DST: variants seen among roughly 807,000 people sequenced by gnomAD.
DST encodes dystonin.
A neutral mutation model predicts 875.2 loss-of-function variants in DST; 253 were observed. The observed-to-expected ratio is 0.29, with a 90% CI of 0.26 to 0.32. DST has a LOEUF of 0.32. Among genes scored for constraint, DST ranks in the 10% least tolerant of loss-of-function variants. The pLI is 1.00. For synonymous variants in DST, 3,124 were observed against 3,197.1 expected (o/e 0.98, Z 0.77); for missense variants, 8,287 against 9,111.6 (o/e 0.91, Z 3.68).
At position 56,553,168 on chromosome 6, in the gene DST, T is replaced by C. The variant is rs2152555913; in HGVS notation, c.15624A>G (p.Leu5208=). 6.2e-7 allele frequency: 1 copy of C among 1,614,018 alleles called. No individual in the cohort carries two copies. Among genetic ancestry groups the C allele is most frequent in the Non-Finnish European group, 8.5e-7 (1 of 1,179,910 alleles). Residue 5208 remains leucine (L), a synonymous_variant, in exon 61 of 104, where the codon TTA becomes TTG. Coordinates refer to ENST00000680361, the MANE Select transcript of DST (RefSeq NM_001374736.1). ...PAEGENSIAK[L]KSLQKEMDQH... is the part of the protein sequence containing the mutation. ...GGTCCATTTCCTTCTGCAGAGACTT[T>C]AACTTGGCAATAGAATTCTCTCCTT...
chr6:56,924,602 T>C (rs1469099476), intron 2 of DST, among the ~76,000 whole-genome samples: 2 of 152,130 alleles, frequency 1.3e-5, no homozygotes, highest in Non-Finnish European at 2.9e-5. Flanking sequence ...TTGGTCATCT[T>C]CGATTTCTAC....
chr6:56,911,864 T>A (rs1358233811), intron 2 of DST, among the ~76,000 whole-genome samples: 24 of 152,180 alleles, frequency 1.6e-4, no homozygotes. Flanking sequence ...AGAAAAAAAC[T>A]ACATTTTCTT....
At chr6:56,669,685 TCAAGAGCCAGATTGCCTAGGTTTGAGTTC>T (rs1163340801) in intron 10 of DST, among the ~76,000 whole-genome samples, 2 of 151,968 alleles carry the variant, frequency 1.3e-5, no homozygotes, top group African/African-American at 4.8e-5. Flanking sequence ...GAACATGAAC[TCAAGAGCCAGATTGCCTAGGTTTGAGTTC>T]CAAGTCTGCC....
At position 56,466,060 on chromosome 6, in the gene DST, T is replaced by C. The variant is rs1014589062; in HGVS notation, c.22687+18A>G. On this transcript the variant is annotated intron_variant, in intron 99 of 103. Coordinates refer to ENST00000680361, the MANE Select transcript of DST (RefSeq NM_001374736.1). ...TTGAAATACTTTCATGATGTTATCA[T>C]GATAAGCATCTCCTTACCCCTGCAA... 7 of 1,561,986 alleles carry C rather than the reference T, an allele frequency of 4.5e-6. No individual in the cohort carries two copies. The highest frequency in any genetic ancestry group is 1.1e-5 in the South Asian group (1 of 87,962).
In DST at chr6:56,619,820, A is replaced by C. The variant is rs777561792; in HGVS notation, c.4929+4710T>G. ...TGTTTCATCTAGTTTATCTTTTAGC[A>C]AACGAGCCTTTTCCTCAGATGACGT... On this transcript the variant is annotated intron_variant, in intron 36 of 103. Coordinates refer to ENST00000680361, the MANE Select transcript of DST (RefSeq NM_001374736.1). 6.2e-7 allele frequency: 1 copy of C among 1,614,164 alleles called. No individual in the cohort carries two copies. Among genetic ancestry groups the C allele is most frequent in the Non-Finnish European group, 8.5e-7 (1 of 1,180,034 alleles).
chr6:56,824,567 CTCTGCCCGGCCGCCCATCG>C (rs1212543477), intron 4 of DST, among the ~76,000 whole-genome samples: 2 of 151,882 alleles, frequency 1.3e-5, no homozygotes, highest in African/African-American at 4.8e-5. Flanking sequence ...TGAGGAGCGT[CTCTGCCCGGCCGCCCATCG>C]TCTGAGATGT....
chr6:56,934,791 CA>C, intron 2 of DST, among the ~76,000 whole-genome samples: 1 of 150,818 alleles, frequency 6.6e-6, no homozygotes, highest in East Asian at 1.9e-4. Flanking sequence ...AACATATACT[CA>C]GAAAACACAA....
chr6:56,942,889 T>C (rs1817424945), intron 2 of DST, among the ~76,000 whole-genome samples: 1 of 151,962 alleles, frequency 6.6e-6, no homozygotes, highest in Admixed American at 6.6e-5. Flanking sequence ...ACAAAATTTT[T>C]AAATTATTTT....
intron 4 of DST, among the ~76,000 whole-genome samples, chr6:56,746,496 T>C (rs964823658): frequency 1.8e-4 from 28 of 152,072 alleles, no homozygotes; most frequent in Admixed American, 9.8e-4. Flanking sequence ...CTTTCACCTA[T>C]CCTATAAAAT....
intron 10 of DST, 29 bp downstream of exon 10, chr6:56,670,612 T>A: frequency 1.4e-6 from 2 of 1,421,730 alleles, no homozygotes; most frequent in Non-Finnish European, 1.9e-6. Flanking sequence ...CTTACAGTTG[T>A]ATAAGGAAAA....
At chr6:56,916,549 C>CG (rs1359163510) in intron 2 of DST, among the ~76,000 whole-genome samples, 1 of 151,922 alleles carries the variant, frequency 6.6e-6, no homozygotes, top group Non-Finnish European at 1.5e-5. Flanking sequence ...CCCAGGAGTT[C>CG]GAGACTAGCC....
chr6:56,692,964 C>A (rs1199053015), intron 9 of DST: 2 of 1,289,654 alleles, frequency 1.6e-6, no homozygotes, highest in Non-Finnish European at 2.0e-6. Flanking sequence ...GACTGCTGCT[C>A]TTCTTCTTGC....
intron 47 of DST, among the ~76,000 whole-genome samples, chr6:56,595,287 T>A (rs2098352906): frequency 6.6e-6 from 1 of 151,972 alleles, no homozygotes; most frequent in South Asian, 2.1e-4. Flanking sequence ...AGCTCTTTCA[T>A]CAGATATCTG....
At chr6:56,521,596 C>T (rs1583885287) in intron 69 of DST, among the ~76,000 whole-genome samples, 1 of 75,042 alleles carries the variant, frequency 1.3e-5, no homozygotes. Context: ...ATTTGCTCTG[C>T]TAAGGAAAAA....
intron 4 of DST, among the ~76,000 whole-genome samples, chr6:56,808,173 G>T (rs1453226902): frequency 6.6e-6 from 1 of 151,902 alleles, no homozygotes; most frequent in Non-Finnish European, 1.5e-5. Flanking sequence ...AACACCCCAT[G>T]ACTTCTGGCC....
chr6:56,527,672 T>C lies in DST; in HGVS notation c.17743A>G (p.Thr5915Ala). ...TTGGCCACATCAGTGCTCAGTTTAGTAATGTCTTTGTACCTTGCTTTAATG... is the reference window on the plus strand; with the variant it reads ...TTGGCCACATCAGTGCTCAGTTTAGCAATGTCTTTGTACCTTGCTTTAATG... ...EAIKARYKDI[T>A]KLSTDVAKTL... Residue 5915 changes from threonine (T) to alanine (A), a missense_variant, in exon 68 of 104, where the codon ACT becomes GCT. By Grantham distance (58) the Thr-to-Ala change is moderately conservative. Coordinates refer to ENST00000680361, the MANE Select transcript of DST (RefSeq NM_001374736.1). The C allele has an allele frequency of 6.2e-7, 1 of 1,613,790 alleles. No individual in the cohort carries two copies. Among genetic ancestry groups the C allele is most frequent in the Non-Finnish European group, 8.5e-7 (1 of 1,179,806 alleles).
At chr6:56,800,782 G>A (rs1441357199) in intron 4 of DST, among the ~76,000 whole-genome samples, 1 of 152,138 alleles carries the variant, frequency 6.6e-6, no homozygotes, top group Non-Finnish European at 1.5e-5. Context: ...ACTTTGGGAG[G>A]CTGAGGTGGG....
intron 63 of DST, among the ~76,000 whole-genome samples, chr6:56,534,835 T>C (rs56263322): frequency 9.1e-4 from 139 of 152,324 alleles, no homozygotes; most frequent in Middle Eastern, 3.4e-3. Context: ...ATTTATTTAC[T>C]TTACTTATTG....
In DST at chr6:56,552,484, C is replaced by T. The variant is rs4715630; in HGVS notation, c.16308G>A (p.Met5436Ile). ...TTTTATTGGCATTGTCATTGCTTGC[C>T]ATGAGGGCTTCTAGTTTCTTTAGAA... ...KAFLKKLEAL[M>I]ASNDNANKTC... The change falls in exon 61 of 104, where the codon ATG becomes ATA. Residue 5436 changes from methionine to isoleucine, a missense_variant. Met to Ile is a conservative substitution (Grantham distance 10, BLOSUM62 1). Coordinates refer to ENST00000680361, the MANE Select transcript of DST (RefSeq NM_001374736.1). 1,222,555 of 1,613,688 alleles carry T rather than the reference C, an allele frequency of 0.76. 465,341 individuals are homozygous for T. Among genetic ancestry groups the T allele is most frequent in the African/African-American group, 0.91 (68,248 of 74,988 alleles).
Sources: gnomAD v4.1 joint callset for allele counts (sites outside exome capture counted in the v4.1 genomes callset) on GRCh38, gnomAD v4.1.1 for gene constraint, MANE v1.5 for transcripts, NCBI Gene and HGNC (gene_info 2026-07-23, HGNC 2026-07-21) for gene names.